The following PRKG1 variants were observed in gnomAD, a reference collection of about 807,000 sequenced individuals.
PRKG1 encodes the protein cGMP-dependent protein kinase 1.
In PRKG1, 35 loss-of-function variants were observed where a neutral mutation model predicts 88.1. The observed-to-expected ratio is 0.40, with a 90% CI of 0.30 to 0.53. The LOEUF is 0.53. Ranked by LOEUF, PRKG1 falls within the 20% of genes least tolerant of loss-of-function variation. The pLI is 0.59. For missense variants in PRKG1, 540 were observed against 839.8 expected (o/e 0.64, Z 4.41); for synonymous variants, 303 against 292.5 (o/e 1.04, Z -0.37).
In PRKG1 at chr10:51,000,838, A is replaced by G. The variant is rs372931901; in HGVS notation, c.266+9194A>G. Among the ~76,000 whole-genome samples, 16 of 152,196 alleles carry G rather than the reference A, an allele frequency of 1.1e-4. No individual in the cohort carries two copies. The South Asian group carries it at 3.3e-3, about 32-fold the overall frequency. ...TTTTGGGAAAGATTGTTTTAAAGTCATTTTCAACAAGGAATGAAATGGATT... is the reference window on the plus strand; with the variant it reads ...TTTTGGGAAAGATTGTTTTAAAGTCGTTTTCAACAAGGAATGAAATGGATT... On this transcript the variant is annotated intron_variant, in intron 1 of 17. Coordinates refer to the PRKG1 transcript ENST00000401604.
intron 4 of PRKG1, among the ~76,000 whole-genome samples, chr10:51,903,758 T>G (rs1303122317): frequency 6.6e-6 from 1 of 152,138 alleles, no homozygotes; most frequent in African/African-American, 2.4e-5. Flanking sequence ...TTGAAAGGCA[T>G]TTTTTAGTAT....
At chr10:51,119,830 T>G (rs1845218797) in intron 1 of PRKG1, among the ~76,000 whole-genome samples, 1 of 152,102 alleles carries the variant, frequency 6.6e-6, no homozygotes, top group Non-Finnish European at 1.5e-5. Flanking sequence ...AATAATTAAT[T>G]TTTTAGTCAA....
chr10:51,609,139 G>T (rs565119067), intron 3 of PRKG1, among the ~76,000 whole-genome samples: 1 of 151,786 alleles, frequency 6.6e-6, no homozygotes, highest in East Asian at 1.9e-4. Flanking sequence ...TGCACAATGT[G>T]CAGGTTAGTT....
intron 5 of PRKG1, among the ~76,000 whole-genome samples, chr10:51,950,111 C>T (rs1843148887): frequency 6.6e-6 from 1 of 152,158 alleles, no homozygotes; most frequent in African/African-American, 2.4e-5. Flanking sequence ...ACTCCTACAT[C>T]CTTCACATTC....
chr10:51,753,754 G>A (rs1837787087), intron 3 of PRKG1, among the ~76,000 whole-genome samples: 1 of 152,120 alleles, frequency 6.6e-6, no homozygotes, highest in African/African-American at 2.4e-5. Flanking sequence ...GGTTGACTCT[G>A]CTTCAATTTA....
Position 52,282,185 on chromosome 10 carries a change from T to G in PRKG1, c.1578T>G (p.Phe526Leu). The change falls in exon 14 of 18, where the codon TTT becomes TTG. Residue 526 changes from phenylalanine (F) to leucine (L), a missense_variant. Physicochemically the swap from Phe to Leu is conservative, Grantham distance 22. This residue lies in a region of PRKG1 where 97 missense variants were observed against 210.6 expected (regional missense o/e 0.46). Coordinates refer to ENST00000373980, the MANE Select transcript of PRKG1 (RefSeq NM_006258.4). ...VDFGFAKKIG[F>L]GKKTWTFCGT... The stretch of plus-strand genomic sequence containing the variant: ...TTGGCTTTGCAAAGAAAATAGGATT[T>G]GGAAAGAAAACATGGACTTTTTGTG... The G allele has an allele frequency of 6.2e-7, 1 of 1,606,616 alleles. No homozygotes were observed. Among genetic ancestry groups the G allele is most frequent in the Admixed American group, 1.7e-5 (1 of 59,212 alleles).
rs190491742 is a variant in PRKG1, at chr10:51,925,396, C to A, written c.762+17826C>A. Among the ~76,000 whole-genome samples, 30 of 152,166 alleles carry A rather than the reference C, an allele frequency of 2.0e-4. 1 individual carries two copies. The highest frequency in any genetic ancestry group is 1.8e-3 in the Admixed American group (27 of 15,280). On this transcript the variant is annotated intron_variant, in intron 5 of 17. Coordinates refer to ENST00000373980, the MANE Select transcript of PRKG1 (RefSeq NM_006258.4). Reference sequence around the variant, plus strand: ...TTAATATTGTTATACAGGAGCACTACTGATGTAGTGATAAAGTGTCAAGGG... The same window carrying A: ...TTAATATTGTTATACAGGAGCACTAATGATGTAGTGATAAAGTGTCAAGGG...
intron 7 of PRKG1, among the ~76,000 whole-genome samples, chr10:52,108,976 A>C (rs1847492064): frequency 1.3e-5 from 2 of 151,732 alleles, no homozygotes; most frequent in Admixed American, 6.6e-5. Context: ...TATAGGGGAG[A>C]GCCACCATAC....
intron 2 of PRKG1, among the ~76,000 whole-genome samples, chr10:51,260,931 G>T (rs898816623): frequency 6.6e-6 from 1 of 152,144 alleles, no homozygotes; most frequent in Non-Finnish European, 1.5e-5. Context: ...TTTCTTATTT[G>T]ATAAGAACTG....
intron 5 of PRKG1, among the ~76,000 whole-genome samples, chr10:52,030,213 A>G (rs151033210): frequency 2.3e-4 from 35 of 152,314 alleles, no homozygotes; most frequent in African/African-American, 7.5e-4. Context: ...TTCTGTGTGC[A>G]TACCATGCTA....
At chr10:51,761,153 C>T (rs1838012519) in intron 3 of PRKG1, among the ~76,000 whole-genome samples, 1 of 152,200 alleles carries the variant, frequency 6.6e-6, no homozygotes, top group Admixed American at 6.5e-5. Context: ...CCCATTATTT[C>T]ACCAATTATC....
At chr10:51,624,845 T>G (rs999115174) in intron 3 of PRKG1, among the ~76,000 whole-genome samples, 5 of 152,196 alleles carry the variant, frequency 3.3e-5, no homozygotes, top group African/African-American at 1.2e-4. Flanking sequence ...CACTCATATG[T>G]TGAATCTTTA....
intron 3 of PRKG1, among the ~76,000 whole-genome samples, chr10:51,539,035 G>A (rs1842234362): frequency 6.6e-6 from 1 of 151,994 alleles, no homozygotes; most frequent in Admixed American, 6.6e-5. Flanking sequence ...GCTAGGTGTT[G>A]CAAATTGATT....
intron 2 of PRKG1, among the ~76,000 whole-genome samples, chr10:51,170,442 A>G (rs1846673824): frequency 7.3e-6 from 1 of 137,032 alleles, no homozygotes; most frequent in African/African-American, 3.2e-5. Flanking sequence ...GGGTATACAC[A>G]CACACACACA....
intron 3 of PRKG1, among the ~76,000 whole-genome samples, chr10:51,637,742 G>A (rs2132291880): frequency 6.6e-6 from 1 of 152,270 alleles, no homozygotes; most frequent in Non-Finnish European, 1.5e-5. Flanking sequence ...CACATGGGGG[G>A]AAACTACACA....
At chr10:52,164,361 T>G (rs1009424271) in intron 9 of PRKG1, among the ~76,000 whole-genome samples, 2 of 100,486 alleles carry the variant, frequency 2.0e-5, no homozygotes, top group Non-Finnish European at 4.7e-5. Context: ...CAAAAATAAG[T>G]AAGTAAATAA....
chr10:52,183,747 A>AGCCTGGGTG (rs1203488718), intron 9 of PRKG1, among the ~76,000 whole-genome samples: 2 of 152,132 alleles, frequency 1.3e-5, no homozygotes, highest in East Asian at 3.9e-4. Context: ...TGGCTTACAA[A>AGCCTGGGTG]GCCTGGGTGG....
At chr10:51,811,030 G>A (rs1258930970) in intron 4 of PRKG1, among the ~76,000 whole-genome samples, 1 of 152,260 alleles carries the variant, frequency 6.6e-6, no homozygotes, top group Non-Finnish European at 1.5e-5. Flanking sequence ...ACATTTTATA[G>A]CTGAAGCAAC....
At chr10:51,383,330 A>C (rs1837160348) in intron 2 of PRKG1, among the ~76,000 whole-genome samples, 5 of 152,122 alleles carry the variant, frequency 3.3e-5, no homozygotes, top group Admixed American at 3.3e-4. Flanking sequence ...AGAAGGAGGG[A>C]AAACAAAGGA....
Sources: allele counts gnomAD v4.1 joint callset (sites outside exome capture counted in the v4.1 genomes callset), GRCh38; gene constraint gnomAD v4.1.1; regional missense constraint gnomAD v4.1.1; transcripts MANE v1.5; gene names NCBI Gene and HGNC (gene_info 2026-07-23, HGNC 2026-07-21).